Variants in PM20D2 observed in about 807,000 individuals in gnomAD.
PM20D2 encodes xaa-Arg dipeptidase.
In PM20D2, 33 loss-of-function variants were observed where a neutral mutation model predicts 42.9. The ratio of observed to expected loss-of-function variants is 0.77; its 90% CI spans 0.58 to 1.03. PM20D2 has a LOEUF of 1.03. Ranked by LOEUF, PM20D2 falls within the 50% of genes least tolerant of loss-of-function variation. PM20D2 has a pLI of 0.00. For synonymous variants in PM20D2, 250 were observed against 228.2 expected (o/e 1.10, Z -0.86); for missense variants, 548 against 557.0 (o/e 0.98, Z 0.16).
the PM20D2 span, among the ~76,000 whole-genome samples, chr6:89,139,684 C>T: frequency 6.6e-6 from 1 of 151,958 alleles, no homozygotes; most frequent in African/African-American, 2.4e-5. Flanking sequence ...CTCTGGCCCG[C>T]GTGGCAGAGC....
intron 4 of PM20D2, among the ~76,000 whole-genome samples, chr6:89,157,851 A>G (rs1263252943): frequency 6.6e-6 from 1 of 152,122 alleles, no homozygotes; most frequent in Non-Finnish European, 1.5e-5. Context: ...CTAAAATACA[A>G]AAACAATTAG....
intron 5 of PM20D2, among the ~76,000 whole-genome samples, chr6:89,161,227 G>C (rs961271644): frequency 8.5e-5 from 13 of 152,188 alleles, no homozygotes; most frequent in African/African-American, 3.1e-4. Flanking sequence ...ACATCCAAGA[G>C]AAGATACCAG....
At chr6:89,134,342 G>A in the PM20D2 span, among the ~76,000 whole-genome samples, 1 of 150,968 alleles carries the variant, frequency 6.6e-6, no homozygotes, top group Non-Finnish European at 1.5e-5. Flanking sequence ...GCTTCCTTCG[G>A]CCAAACACTT....
intron 4 of PM20D2, among the ~76,000 whole-genome samples, chr6:89,157,972 A>C (rs1220559740): frequency 6.6e-6 from 1 of 152,168 alleles, no homozygotes; most frequent in Non-Finnish European, 1.5e-5. Context: ...ACACCACTGC[A>C]CTCCAGCCTG....
chr6:89,105,189 T>C, the PM20D2 span: 7 of 1,612,372 alleles, frequency 4.3e-6, no homozygotes, highest in Admixed American at 1.0e-4. Context: ...CTTCTTTGGC[T>C]GGGGCTTCTT....
At chr6:89,095,516 G>GT in the PM20D2 span, among the ~76,000 whole-genome samples, 1 of 152,206 alleles carries the variant, frequency 6.6e-6, no homozygotes, top group South Asian at 2.1e-4. Context: ...GATTACAAAA[G>GT]TATTTCTACA....
At chr6:89,132,599 A>G in the PM20D2 span, among the ~76,000 whole-genome samples, 5 of 151,380 alleles carry the variant, frequency 3.3e-5, no homozygotes, top group Admixed American at 3.3e-4. Flanking sequence ...TAATCCCAAC[A>G]CTTTGGGAGG....
rs1342673413 is a variant in PM20D2 at position 89,165,003 on chromosome 6, A to G, written c.*2740A>G. 1 of 151,724 alleles carries G rather than the reference A, an allele frequency of 6.6e-6. No homozygotes were observed. Among genetic ancestry groups the G allele is most frequent in the African/African-American group, 2.4e-5 (1 of 41,302 alleles). The allele number at this position is 151,724 out of a possible 1,614,324, so 9.4% of individuals were successfully genotyped here. The stretch of plus-strand genomic sequence containing the variant: ...TTGTGGTGGGTGGTAAGTTCTCACG[A>G]GATTTATTTATCTGAGCAACATTGG... On this transcript the variant is annotated 3_prime_UTR_variant, in exon 7 of 7. Transcript: ENST00000275072.
chr6:89,099,439 T>TATATGTGTGTATATATAC, the PM20D2 span, among the ~76,000 whole-genome samples: 3 of 127,464 alleles, frequency 2.4e-5, no homozygotes, highest in African/African-American at 9.6e-5. Flanking sequence ...TGTATATATA[T>TATATGTGTGTATATATAC]ACACATATAT....
At position 89,146,619 on chromosome 6, in the gene PM20D2, GGCCCGGGTGCGGGACCCTATCCGACT is replaced by G; in HGVS notation, c.465+19_465+44del. On this transcript the variant is annotated intron_variant, in intron 1 of 6. Coordinates refer to ENST00000275072, the MANE Select transcript of PM20D2 (RefSeq NM_001010853.3). ...GCCTCCGCCCGTGAAGGTGAGGTGG[GGCCCGGGTGCGGGACCCTATCCGACT>G]GCCCGGGTCGGGGGCGACCCGGGAA... The G allele has an allele frequency of 7.1e-7, 1 of 1,416,732 alleles. No homozygotes were observed. Among genetic ancestry groups the G allele is most frequent in the Non-Finnish European group, 9.2e-7 (1 of 1,092,472 alleles). 87.8% of individuals were successfully genotyped at this position (1,416,732 alleles called of 1,614,324 possible).
At chr6:89,157,238 A>G (rs965518888) in intron 4 of PM20D2, among the ~76,000 whole-genome samples, 4 of 152,120 alleles carry the variant, frequency 2.6e-5, no homozygotes, top group African/African-American at 7.2e-5. Flanking sequence ...GCCTAAATCT[A>G]TATTTTAAAT....
At chr6:89,099,701 A>T in the PM20D2 span, among the ~76,000 whole-genome samples, 1 of 151,840 alleles carries the variant, frequency 6.6e-6, no homozygotes, top group African/African-American at 2.4e-5. Context: ...ACGCCCAGCT[A>T]ACTTTGTATT....
At chr6:89,145,049 T>G (rs1256846245), upstream of PM20D2, among the ~76,000 whole-genome samples, 1 of 152,236 alleles carries the variant, frequency 6.6e-6, no homozygotes, top group Non-Finnish European at 1.5e-5. Flanking sequence ...ATTAATATAT[T>G]GTGTCCCATT....
At chr6:89,110,742 G>T in the PM20D2 span, among the ~76,000 whole-genome samples, 1 of 152,188 alleles carries the variant, frequency 6.6e-6, no homozygotes, top group Non-Finnish European at 1.5e-5. Context: ...TGGTAGGCTG[G>T]AGGGTATGCC....
At chr6:89,113,274 T>C in the PM20D2 span, among the ~76,000 whole-genome samples, 1 of 152,072 alleles carries the variant, frequency 6.6e-6, no homozygotes, top group Admixed American at 6.6e-5. Flanking sequence ...CCCAGGTTCA[T>C]GCGATTCTTC....
chr6:89,137,196 A>C, the PM20D2 span, among the ~76,000 whole-genome samples: 1 of 144,992 alleles, frequency 6.9e-6, no homozygotes, highest in Non-Finnish European at 1.5e-5. Flanking sequence ...AAGCTAATAG[A>C]AAGTCCAAAA....
chr6:89,156,920 G>A (rs569130896), intron 4 of PM20D2, among the ~76,000 whole-genome samples: 5 of 152,070 alleles, frequency 3.3e-5, no homozygotes, highest in Non-Finnish European at 7.4e-5. Flanking sequence ...CCATAGCTGA[G>A]GGCAGTAAAA....
chr6:89,118,182 G>C, the PM20D2 span: 1 of 152,394 alleles, frequency 6.6e-6, no homozygotes, highest in African/African-American at 2.4e-5. Flanking sequence ...GGTATGGGGG[G>C]TCCTGGAGTG....
At chr6:89,096,213 TC>T in the PM20D2 span, 1 of 152,214 alleles carries the variant, frequency 6.6e-6, no homozygotes, top group Admixed American at 6.5e-5. Context: ...GTCAAAGACT[TC>T]TCTTTGCAAA....
Sources: gnomAD v4.1 joint callset for allele counts (sites outside exome capture counted in the v4.1 genomes callset) on GRCh38, gnomAD v4.1.1 for gene constraint, MANE v1.5 for transcripts, NCBI Gene and HGNC (gene_info 2026-07-23, HGNC 2026-07-21) for gene names.